ATP8B4: variants seen among roughly 807,000 people sequenced by gnomAD.
The protein encoded by ATP8B4 is probable phospholipid-transporting ATPase IM.
A neutral mutation model predicts 145.6 loss-of-function variants in ATP8B4; 133 were observed. The observed-to-expected ratio is 0.91, with a 90% confidence interval of 0.79 to 1.05. ATP8B4 has a LOEUF of 1.05. Ranked by LOEUF, ATP8B4 falls within the 50% of genes least tolerant of loss-of-function variation. ATP8B4 has a pLI of 0.00. For synonymous variants in ATP8B4, 507 were observed against 492.9 expected, an observed-to-expected ratio of 1.03 and a Z score of -0.38; for missense variants, 1,458 against 1,425.2, an observed-to-expected ratio of 1.02 and a Z score of -0.37.
chr15:49,998,410 T>C (rs2047601636), intron 8 of ATP8B4, among the ~76,000 whole-genome samples: 1 of 152,210 alleles, frequency 6.6e-6, no homozygotes, highest in Non-Finnish European at 1.5e-5. Flanking sequence ...TGTTGTTTCC[T>C]GACTTTTTAA....
intron 8 of ATP8B4, among the ~76,000 whole-genome samples, chr15:49,997,113 G>A (rs2047495356): frequency 6.6e-6 from 1 of 152,088 alleles, no homozygotes; most frequent in Non-Finnish European, 1.5e-5. Context: ...AATAAAGGAG[G>A]CTAATATCAC....
intron 14 of ATP8B4, among the ~76,000 whole-genome samples, chr15:49,946,803 T>C (rs1448299704): frequency 6.6e-6 from 1 of 152,186 alleles, no homozygotes; most frequent in Non-Finnish European, 1.5e-5. Flanking sequence ...CAGACTGGGT[T>C]GTTCCTGGAA....
intron 6 of ATP8B4, chr15:50,018,945 T>A (rs2049312989): frequency 2.4e-6 from 3 of 1,261,174 alleles, no homozygotes; most frequent in Non-Finnish European, 3.1e-6. Flanking sequence ...GTACTTCCTG[T>A]CATTAAACCC....
At chr15:50,041,633 T>C (rs1352155974) in intron 5 of ATP8B4, among the ~76,000 whole-genome samples, 1 of 152,132 alleles carries the variant, frequency 6.6e-6, no homozygotes, top group African/African-American at 2.4e-5. Flanking sequence ...TCAGTGTGGA[T>C]GGATCCTATG....
chr15:50,023,779 C>CAAAAAAAAAAAAAAAGAA (rs2049778637), intron 6 of ATP8B4, among the ~76,000 whole-genome samples: 1 of 75,056 alleles, frequency 1.3e-5, no homozygotes, highest in Admixed American at 1.5e-4. Flanking sequence ...AGACCAAAGG[C>CAAAAAAAAAAAAAAAGAA]AAAAAAAAAA....
At chr15:50,115,095 C>T (rs562641008) in intron 1 of ATP8B4, among the ~76,000 whole-genome samples, 38 of 152,198 alleles carry the variant, frequency 2.5e-4, no homozygotes, top group Non-Finnish European at 5.6e-4. Context: ...CTTTGGGAGG[C>T]CAAGGTGGGC....
chr15:50,147,235 G>T (rs940359649), intron 1 of ATP8B4, among the ~76,000 whole-genome samples: 2 of 151,992 alleles, frequency 1.3e-5, no homozygotes, highest in Admixed American at 1.3e-4. Context: ...GGGCAACATG[G>T]TAAAACCCTG....
In ATP8B4 at chr15:50,029,255, A is replaced by AAAAAAAAAAAAAAAAAAAAAAAAAAC. The variant is rs776952913; in HGVS notation, c.362+9512_362+9513insGTTTTTTTTTTTTTTTTTTTTTTTTT. Among the ~76,000 whole-genome samples, 67 of 141,216 alleles carry AAAAAAAAAAAAAAAAAAAAAAAAAAC rather than the reference A, an allele frequency of 4.7e-4. 5 individuals are homozygous for AAAAAAAAAAAAAAAAAAAAAAAAAAC. The highest frequency in any genetic ancestry group is 8.8e-4 in the Non-Finnish European group (55 of 62,214). 92.6% of individuals were successfully genotyped at this position (141,216 alleles called of 152,430 possible). On this transcript the variant is annotated intron_variant, in intron 6 of 27. Coordinates refer to ENST00000284509, the MANE Select transcript of ATP8B4 (RefSeq NM_024837.4). ...CTCCATCTTAAAAAAAAAAAAAAAA[A>AAAAAAAAAAAAAAAAAAAAAAAAAAC]AACAGAAAAATACAGCAGAATTTTA...
intron 7 of ATP8B4, among the ~76,000 whole-genome samples, chr15:50,005,336 C>T (rs1171845106): frequency 6.6e-6 from 1 of 152,068 alleles, no homozygotes; most frequent in East Asian, 1.9e-4. Flanking sequence ...GGTTATTAGG[C>T]ATAATAAATA....
chr15:49,976,151 T>C (rs2045640766), intron 12 of ATP8B4, among the ~76,000 whole-genome samples: 1 of 152,184 alleles, frequency 6.6e-6, no homozygotes, highest in Admixed American at 6.6e-5. Flanking sequence ...AATTACACTG[T>C]GACTATGTAG....
chr15:49,883,746 A>G (rs901165776), intron 23 of ATP8B4, among the ~76,000 whole-genome samples: 1 of 151,688 alleles, frequency 6.6e-6, no homozygotes, highest in Non-Finnish European at 1.5e-5. Flanking sequence ...CATGTACCCA[A>G]TAAATACATA....
intron 14 of ATP8B4, among the ~76,000 whole-genome samples, chr15:49,951,992 C>G (rs1405079924): frequency 6.6e-6 from 1 of 152,122 alleles, no homozygotes; most frequent in African/African-American, 2.4e-5. Flanking sequence ...GTTGAAAATT[C>G]TTTTCTTTAA....
rs539640659 is a variant in ATP8B4, at chr15:49,872,762, G to C, written c.3027+3516C>G. Among the ~76,000 whole-genome samples, 5 of 152,224 alleles carry C rather than the reference G, an allele frequency of 3.3e-5. No homozygotes were observed. In the South Asian group the frequency reaches 1.0e-3, roughly 32 times the overall value. The stretch of plus-strand genomic sequence containing the variant: ...GAGATGGGAGGAGACTAAGGAACAT[G>C]ACCACTAAATTCAATGTGGGATCCT... On this transcript the variant is annotated intron_variant, in intron 25 of 27. Coordinates refer to ENST00000284509, the MANE Select transcript of ATP8B4 (RefSeq NM_024837.4).
At chr15:49,953,283 G>A (rs1192814639) in intron 14 of ATP8B4, among the ~76,000 whole-genome samples, 1 of 152,174 alleles carries the variant, frequency 6.6e-6, no homozygotes, top group Non-Finnish European at 1.5e-5. Flanking sequence ...AATCTGGGCT[G>A]CCTAGATTCC....
In ATP8B4 at chr15:49,927,977, G is replaced by A. The variant is rs574760340; in HGVS notation, c.1642+3142C>T. 8.5e-5 allele frequency among the ~76,000 whole-genome samples: 13 copies of A among 152,238 alleles called. No homozygotes were observed. In the South Asian group the frequency reaches 1.4e-3, roughly 17 times the overall value. ...TAGAGACCAAAAACCCTACTGTTAC[G>A]TATAAACACTTTTTAAATAGTAAGA... On this transcript the variant is annotated intron_variant, in intron 16 of 27. Transcript: ENST00000284509.
At chr15:49,890,846 G>A (rs915775547) in intron 23 of ATP8B4, among the ~76,000 whole-genome samples, 10 of 152,226 alleles carry the variant, frequency 6.6e-5, no homozygotes, top group Admixed American at 5.2e-4. Flanking sequence ...TCAATACCGC[G>A]AACATGCCAG....
intron 23 of ATP8B4, chr15:49,879,720 T>TGCA (rs960969900): frequency 2.6e-5 from 9 of 350,580 alleles, no homozygotes; most frequent in African/African-American, 1.9e-4. Flanking sequence ...AAATAATACA[T>TGCA]GCAGCAGTAC....
At chr15:50,138,355 T>TAGAC (rs1384219172) in intron 1 of ATP8B4, among the ~76,000 whole-genome samples, 3 of 109,546 alleles carry the variant, frequency 2.7e-5, no homozygotes, top group Non-Finnish European at 6.6e-5. Flanking sequence ...GATAGATAGA[T>TAGAC]AGATAGATAG....
chr15:49,899,305 G>A (rs938492536), intron 21 of ATP8B4, among the ~76,000 whole-genome samples: 1 of 152,100 alleles, frequency 6.6e-6, no homozygotes, highest in African/African-American at 2.4e-5. Flanking sequence ...TGCTCTCAAA[G>A]CATTGTGTTC....
Sources: allele counts gnomAD v4.1 joint callset (sites outside exome capture counted in the v4.1 genomes callset), GRCh38; gene constraint gnomAD v4.1.1; transcripts MANE v1.5; gene names NCBI Gene and HGNC (gene_info 2026-07-23, HGNC 2026-07-21).